Variants in DNM3 observed in about 807,000 individuals in gnomAD.
The protein encoded by DNM3 is dynamin-3.
A neutral mutation model predicts 101.6 loss-of-function variants in DNM3; 47 were observed. That is an observed-to-expected ratio of 0.46 (90% CI 0.37 to 0.59). The LOEUF is 0.59. Among genes scored for constraint, DNM3 ranks in the 20% least tolerant of loss-of-function variants. DNM3 has a pLI of 0.00. For synonymous variants in DNM3, 385 were observed against 387.9 expected, an observed-to-expected ratio of 0.99 and a Z score of 0.09; for missense variants, 849 against 1,085.7, an observed-to-expected ratio of 0.78 and a Z score of 3.06.
chr1:172,014,760 A>G (rs1311034427), intron 4 of DNM3, among the ~76,000 whole-genome samples: 1 of 151,102 alleles, frequency 6.6e-6, no homozygotes, highest in African/African-American at 2.4e-5. Context: ...CTCACTTTTT[A>G]ATTTTTTTTT....
intron 1 of DNM3, among the ~76,000 whole-genome samples, chr1:171,901,504 G>T (rs182849904): frequency 3.5e-4 from 54 of 152,234 alleles, no homozygotes; most frequent in African/African-American, 1.3e-3. Context: ...AGGAGGAGCC[G>T]CGTGGGTGAG....
At chr1:171,902,434 C>T (rs2038443366) in intron 1 of DNM3, among the ~76,000 whole-genome samples, 1 of 152,104 alleles carries the variant, frequency 6.6e-6, no homozygotes, top group South Asian at 2.1e-4. Context: ...TCCTGAGATC[C>T]AAAGTTTCTG....
At chr1:172,252,848 A>G (rs1355057378) in intron 14 of DNM3, among the ~76,000 whole-genome samples, 3 of 152,136 alleles carry the variant, frequency 2.0e-5, no homozygotes, top group Non-Finnish European at 4.4e-5. Context: ...CAATGTTCAT[A>G]TTCTTCCTAA....
At chr1:172,169,309 G>A (rs2058863807) in intron 14 of DNM3, among the ~76,000 whole-genome samples, 1 of 151,758 alleles carries the variant, frequency 6.6e-6, no homozygotes, top group South Asian at 2.1e-4. Context: ...TTGCCACTTG[G>A]GCTCCTAATT....
chr1:172,059,955 T>A (rs1337128065), intron 10 of DNM3, among the ~76,000 whole-genome samples: 1 of 146,754 alleles, frequency 6.8e-6, no homozygotes, highest in Non-Finnish European at 1.5e-5. Context: ...CCCCATTGTC[T>A]CAGCCCAAAA....
At chr1:172,209,309 G>A (rs1045082891) in intron 14 of DNM3, among the ~76,000 whole-genome samples, 12 of 151,896 alleles carry the variant, frequency 7.9e-5, no homozygotes, top group African/African-American at 2.9e-4. Flanking sequence ...CCTTGATCTT[G>A]GACTTCTAGC....
chr1:171,919,870 A>G (rs562801913), intron 1 of DNM3, among the ~76,000 whole-genome samples: 6 of 151,808 alleles, frequency 4.0e-5, no homozygotes, highest in African/African-American at 1.5e-4. Flanking sequence ...TAGGTTCCGA[A>G]CTCCTGGTGT....
At chr1:171,975,461 C>T (rs2044302286) in intron 2 of DNM3, among the ~76,000 whole-genome samples, 1 of 152,102 alleles carries the variant, frequency 6.6e-6, no homozygotes, top group Non-Finnish European at 1.5e-5. Flanking sequence ...TTTTGTAGGA[C>T]CCCAAACAAT....
At chr1:172,204,920 T>G (rs887558738) in intron 14 of DNM3, among the ~76,000 whole-genome samples, 2 of 152,140 alleles carry the variant, frequency 1.3e-5, no homozygotes, top group African/African-American at 4.8e-5. Flanking sequence ...GGACAGTGTT[T>G]TACAAGTTAC....
intron 14 of DNM3, chr1:172,131,709 T>C (rs2056946022): frequency 3.4e-6 from 1 of 291,980 alleles, no homozygotes; most frequent in Non-Finnish European, 6.8e-6. Context: ...GAATTGTTCC[T>C]GTGACATCTG....
chr1:172,388,492 C>G (rs770696527), intron 19 of DNM3, 81 bp from the exon 20 acceptor site: 1 of 1,205,792 alleles, frequency 8.3e-7, no homozygotes, highest in Non-Finnish European at 1.2e-6. Flanking sequence ...TTTTAAAAAG[C>G]AGGAAGTTAC....
At chr1:171,995,946 C>T (rs1249697844) in intron 4 of DNM3, among the ~76,000 whole-genome samples, 1 of 152,108 alleles carries the variant, frequency 6.6e-6, no homozygotes, top group Non-Finnish European at 1.5e-5. Context: ...AGGCAATTTT[C>T]ACCTAAACGG....
At chr1:172,387,946 G>T (rs1438398326) in intron 19 of DNM3, among the ~76,000 whole-genome samples, 1 of 151,934 alleles carries the variant, frequency 6.6e-6, no homozygotes, top group Non-Finnish European at 1.5e-5. Flanking sequence ...AAAAAGGGAG[G>T]TTGTATGCCA....
At chr1:172,163,355 T>C (rs202227150) in intron 14 of DNM3, among the ~76,000 whole-genome samples, 8 of 151,652 alleles carry the variant, frequency 5.3e-5, no homozygotes, top group African/African-American at 9.7e-5. Context: ...TTTTCTGCCT[T>C]AGCCTCCTGA....
At chr1:172,370,303 TATC>T (rs2068257617) in intron 17 of DNM3, 1 of 151,972 alleles carries the variant, frequency 6.6e-6, no homozygotes, top group South Asian at 2.1e-4. Flanking sequence ...CAAAACACTG[TATC>T]ATCACCTGTT....
chr1:172,394,124 C>T (rs757748732), intron 20 of DNM3: 1 of 152,188 alleles, frequency 6.6e-6, no homozygotes, highest in Non-Finnish European at 1.5e-5. Context: ...TGGTTAATGT[C>T]AAAGTTTTTA....
At chr1:172,177,587 C>T (rs1322201286) in intron 14 of DNM3, among the ~76,000 whole-genome samples, 1 of 151,780 alleles carries the variant, frequency 6.6e-6, no homozygotes, top group African/African-American at 2.4e-5. Flanking sequence ...TCATTACCTG[C>T]CTTGTGGGGG....
At chr1:172,271,438 T>C (rs1466090368) in intron 15 of DNM3, among the ~76,000 whole-genome samples, 1 of 152,166 alleles carries the variant, frequency 6.6e-6, no homozygotes, top group Non-Finnish European at 1.5e-5. Context: ...GGCTTTTTTT[T>C]ACAGTTTTGC....
intron 16 of DNM3, 66 bp downstream of exon 16, chr1:172,308,905 C>A: frequency 1.1e-6 from 1 of 921,634 alleles, no homozygotes; most frequent in Non-Finnish European, 1.6e-6. Flanking sequence ...ATTAATCCTA[C>A]ATACCATAAG....
Sources: gnomAD v4.1 joint callset for allele counts (sites outside exome capture counted in the v4.1 genomes callset) on GRCh38, gnomAD v4.1.1 for gene constraint, MANE v1.5 for transcripts, NCBI Gene and HGNC (gene_info 2026-07-23, HGNC 2026-07-21) for gene names.